HS1BP3: variants seen among roughly 807,000 people sequenced by gnomAD.
HS1BP3 encodes HCLS1-binding protein 3.
Under a neutral mutation model 33.5 loss-of-function variants are expected in HS1BP3, and 32 were observed. That is an observed-to-expected ratio of 0.95 (90% CI 0.72 to 1.28). The LOEUF (loss-of-function observed/expected upper bound fraction) is 1.28, where lower values mean the gene tolerates loss of function less well. HS1BP3 is among the 50% of genes most tolerant of loss of function. The pLI is 0.00. For missense variants in HS1BP3, 486 were observed against 502.3 expected (o/e 0.97, Z 0.31); for synonymous variants, 187 against 209.2 (o/e 0.89, Z 0.92).
At position 20,623,996 on chromosome 2, in the gene HS1BP3, C is replaced by A; in HGVS notation, c.820G>T (p.Ala274Ser). The change falls in exon 6 of 7, where the codon GCC (alanine) becomes TCC (serine). Residue 274 changes from alanine (A) to serine (S), a missense_variant. Ala to Ser is a moderately conservative substitution (Grantham distance 99, BLOSUM62 1). Transcript: ENST00000304031. The part of the protein sequence containing the change: ...KLFDDPDLGG[A>S]IPLGDSLLLP... ...AGGAGGGAGTCACCCAGGGGGATGG[C>A]CCCGCCGAGGTCAGGATCATCAAAT... 6.2e-7 allele frequency: 1 copy of A among 1,611,948 alleles called. No individual in the cohort carries two copies. Among genetic ancestry groups the A allele is most frequent in the Non-Finnish European group, 8.5e-7 (1 of 1,179,456 alleles).
chr2:20,603,902 C>T (rs1432193253), intron 2 of HS1BP3, among the ~76,000 whole-genome samples: 6 of 152,134 alleles, frequency 3.9e-5, no homozygotes, highest in East Asian at 1.9e-4. Flanking sequence ...TCACACAAAT[C>T]GCTTCATCTC....
chr2:20,623,356 AGC>A, intron 6 of HS1BP3: 1 of 153,236 alleles, frequency 6.5e-6, no homozygotes, highest in Non-Finnish European at 1.5e-5. Flanking sequence ...CTGCGTACAC[AGC>A]AAGGACTCAG....
intron 2 of HS1BP3, among the ~76,000 whole-genome samples, chr2:20,609,215 T>G (rs1694264533): frequency 6.6e-6 from 1 of 152,216 alleles, no homozygotes; most frequent in South Asian, 2.1e-4. Flanking sequence ...CCTGGCCTGC[T>G]GCTCTAATAG....
downstream of HS1BP3, among the ~76,000 whole-genome samples, chr2:20,617,650 A>G (rs536234985): frequency 2.6e-4 from 40 of 150,972 alleles, no homozygotes; most frequent in Admixed American, 2.3e-3. Flanking sequence ...TGTCTATCAG[A>G]AAAGGGTCTG....
At chr2:20,587,656 G>C (rs753579737), downstream of HS1BP3, among the ~76,000 whole-genome samples, 22 of 152,222 alleles carry the variant, frequency 1.4e-4, no homozygotes, top group Admixed American at 2.6e-4. Flanking sequence ...CGAGGCAGGA[G>C]AAGGGCGTGA....
chr2:20,601,686 T>C (rs1694072148), intron 2 of HS1BP3, among the ~76,000 whole-genome samples: 2 of 152,032 alleles, frequency 1.3e-5, no homozygotes, highest in African/African-American at 4.8e-5. Context: ...TCCACCATGA[T>C]TGTGAGGCCT....
chr2:20,615,441 G>A (rs1236070522), downstream of HS1BP3, among the ~76,000 whole-genome samples: 1 of 152,254 alleles, frequency 6.6e-6, no homozygotes, highest in Admixed American at 6.5e-5. Flanking sequence ...GTGCTGAGCA[G>A]GGAATGGTTT....
intron 5 of HS1BP3, among the ~76,000 whole-genome samples, chr2:20,565,635 C>T (rs996847817): frequency 3.3e-5 from 5 of 152,262 alleles, no homozygotes; most frequent in African/African-American, 1.2e-4. Flanking sequence ...ACAGTCAGCA[C>T]ACCCTGCAAC....
At chr2:20,609,072 C>T (rs1694260812) in intron 2 of HS1BP3, among the ~76,000 whole-genome samples, 2 of 152,200 alleles carry the variant, frequency 1.3e-5, no homozygotes, top group African/African-American at 2.4e-5. Context: ...TTGGCAGGAG[C>T]CCAGAGAGAA....
intron 5 of HS1BP3, among the ~76,000 whole-genome samples, chr2:20,586,896 C>T (rs1693696326): frequency 6.6e-6 from 1 of 152,220 alleles, no homozygotes; most frequent in African/African-American, 2.4e-5. Context: ...ATTTCTCTTT[C>T]AGATCATGAG....
chr2:20,599,012 G>A (rs1046513418), intron 2 of HS1BP3, among the ~76,000 whole-genome samples: 2 of 152,206 alleles, frequency 1.3e-5, no homozygotes, highest in African/African-American at 2.4e-5. Flanking sequence ...AGTGGGGAGT[G>A]GGGGGAATGG....
At chr2:20,571,589 T>C (rs1480345403) in intron 5 of HS1BP3, among the ~76,000 whole-genome samples, 2 of 152,244 alleles carry the variant, frequency 1.3e-5, no homozygotes, top group Admixed American at 6.5e-5. Flanking sequence ...TGCCTGGTAT[T>C]GGTCCTCCTG....
intron 1 of HS1BP3, among the ~76,000 whole-genome samples, chr2:20,649,140 T>G (rs963847039): frequency 8.5e-5 from 13 of 152,216 alleles, no homozygotes; most frequent in African/African-American, 3.1e-4. Context: ...TGGGCCCTAT[T>G]GCACTTGAAA....
intron 1 of HS1BP3, among the ~76,000 whole-genome samples, chr2:20,646,542 A>G (rs1695525032): frequency 6.6e-6 from 1 of 152,248 alleles, no homozygotes; most frequent in African/African-American, 2.4e-5. Context: ...TGCGTCTCCT[A>G]TGCCATGTAT....
At chr2:20,596,652 G>C (rs2149281149) in intron 3 of HS1BP3, among the ~76,000 whole-genome samples, 1 of 152,294 alleles carries the variant, frequency 6.6e-6, no homozygotes, top group Non-Finnish European at 1.5e-5. Context: ...AGCTTGAAAG[G>C]ACTAAGAGAA....
intron 6 of HS1BP3, chr2:20,622,053 C>A: frequency 1.9e-6 from 1 of 537,990 alleles, no homozygotes; most frequent in Non-Finnish European, 2.8e-6. Context: ...GAGGCCCTGC[C>A]CTGGTGTGGC....
intron 4 of HS1BP3, among the ~76,000 whole-genome samples, chr2:20,626,189 G>A (rs956047478): frequency 6.6e-6 from 1 of 152,202 alleles, no homozygotes; most frequent in Non-Finnish European, 1.5e-5. Flanking sequence ...GGGTGCTGGA[G>A]GGGCAGGTCC....
At chr2:20,568,564 G>A (rs1344774644) in intron 5 of HS1BP3, among the ~76,000 whole-genome samples, 1 of 152,138 alleles carries the variant, frequency 6.6e-6, no homozygotes, top group Non-Finnish European at 1.5e-5. Context: ...CTAGACAGGA[G>A]GTGAGGGAGG....
chr2:20,562,702 T>G (rs1355628556), intron 5 of HS1BP3, among the ~76,000 whole-genome samples: 1 of 152,136 alleles, frequency 6.6e-6, no homozygotes, highest in South Asian at 2.1e-4. Flanking sequence ...GCCCTTAGCC[T>G]GTGGGACTAG....
Sources: allele counts gnomAD v4.1 joint callset (sites outside exome capture counted in the v4.1 genomes callset), GRCh38; gene constraint gnomAD v4.1.1; transcripts MANE v1.5; gene names NCBI Gene and HGNC (gene_info 2026-07-23, HGNC 2026-07-21).